KBTBD3: variants seen among roughly 807,000 people sequenced by gnomAD.
KBTBD3 encodes kelch repeat and BTB domain-containing protein 3.
A neutral mutation model predicts 49.6 loss-of-function variants in KBTBD3; 38 were observed. The observed-to-expected ratio is 0.77, with a 90% CI of 0.59 to 1.00. KBTBD3 has a LOEUF of 1.00. KBTBD3 is among the 50% of genes least tolerant of loss of function. KBTBD3 has a pLI of 0.00. For synonymous variants in KBTBD3, 214 were observed against 250.4 expected (o/e 0.85, Z 1.37); for missense variants, 661 against 712.0 (o/e 0.93, Z 0.81).
At chr11:106,055,380 G>C (rs763862210) in intron 3 of KBTBD3, among the ~76,000 whole-genome samples, 9 of 152,108 alleles carry the variant, frequency 5.9e-5, no homozygotes, top group Non-Finnish European at 1.3e-4. Flanking sequence ...GTTGCCCAAA[G>C]TATACTAGGG....
intron 2 of KBTBD3, among the ~76,000 whole-genome samples, chr11:106,062,761 G>A (rs1860727581): frequency 2.6e-5 from 4 of 152,210 alleles, no homozygotes; most frequent in African/African-American, 4.8e-5. Context: ...GCACCAGATG[G>A]CCCAGGCAAG....
Position 106,052,195 on chromosome 11 carries a change from G to A in KBTBD3, c.*655C>T, listed in dbSNP as rs1860432071. On this transcript the variant is annotated 3_prime_UTR_variant, in exon 4 of 4. Coordinates refer to ENST00000531837, the MANE Select transcript of KBTBD3 (RefSeq NM_198439.3). ...GGGGGGGAGGAGAGAGAGAGAGAGAGCTAGAAATTGAAACCAACTGACATT... is the reference window on the plus strand; with the variant it reads ...GGGGGGGAGGAGAGAGAGAGAGAGAACTAGAAATTGAAACCAACTGACATT... The A allele has an allele frequency of 6.6e-6, 1 of 151,476 alleles. No individual in the cohort carries two copies. Among genetic ancestry groups the A allele is most frequent in the Non-Finnish European group, 1.5e-5 (1 of 67,742 alleles). 9.4% of individuals were successfully genotyped at this position (151,476 alleles called of 1,614,324 possible). A position where few individuals can be genotyped will look rare whatever the true frequency, so the allele number is the denominator to read the frequency against.
rs1259230344 is a variant in KBTBD3 at position 106,058,414 on chromosome 11, C to G, written c.233+451G>C. On this transcript the variant is annotated intron_variant, in intron 3 of 3. Coordinates refer to ENST00000531837, the MANE Select transcript of KBTBD3 (RefSeq NM_198439.3). ...AAAAAATCATTAGTTAATCTTGGTTCTAATTAGGTTTTTTGTTTTTGTTTT... is the reference window on the plus strand; with the variant it reads ...AAAAAATCATTAGTTAATCTTGGTTGTAATTAGGTTTTTTGTTTTTGTTTT... 2.0e-5 allele frequency among the ~76,000 whole-genome samples: 3 copies of G among 150,086 alleles called. No homozygotes were observed. The East Asian group carries it at 6.1e-4, about 30-fold the overall frequency.
intron 2 of KBTBD3, among the ~76,000 whole-genome samples, chr11:106,064,673 CT>C (rs1860771399): frequency 6.6e-6 from 1 of 152,160 alleles, no homozygotes; most frequent in South Asian, 2.1e-4. Context: ...TGTGTTAAAG[CT>C]GTGCAAAGGA....
chr11:106,075,845 G>A lies in KBTBD3; in HGVS notation c.-13+662C>T, dbSNP rs558928530. Among the ~76,000 whole-genome samples, 3 of 152,254 alleles carry A rather than the reference G, an allele frequency of 2.0e-5. No individual in the cohort carries two copies. The East Asian group carries it at 5.8e-4, about 29-fold the overall frequency. Reference sequence around the variant, plus strand: ...GAGAATATTCTAGATTCTAGACCAAGTACAAATAATCCCTACGTTACTGTC... The same window carrying A: ...GAGAATATTCTAGATTCTAGACCAAATACAAATAATCCCTACGTTACTGTC... On this transcript the variant is annotated intron_variant, in intron 2 of 3. Transcript: ENST00000531837.
rs530853764 is a variant in KBTBD3 at position 106,070,428 on chromosome 11, C to T, written c.-13+6079G>A. On this transcript the variant is annotated intron_variant, in intron 2 of 3. Transcript: ENST00000531837. ...ACCAGACAATTCAATTTAAAAAATGCGCAAAAGGCACAAAGAGATATTTCA... is the reference window on the plus strand; with the variant it reads ...ACCAGACAATTCAATTTAAAAAATGTGCAAAAGGCACAAAGAGATATTTCA... 3.6e-4 allele frequency among the ~76,000 whole-genome samples: 55 copies of T among 151,750 alleles called. 2 individuals are homozygous for T. Among genetic ancestry groups the T allele is most frequent in the Middle Eastern group, 6.8e-3 (2 of 294 alleles).
intron 2 of KBTBD3, 68 bp from the exon 3 acceptor site, chr11:106,059,177 C>T: frequency 1.3e-6 from 1 of 768,758 alleles, no homozygotes; most frequent in Non-Finnish European, 2.0e-6. Context: ...AAAATTCGCC[C>T]TCTTGATGGC....
At position 106,054,142 on chromosome 11, in the gene KBTBD3, A is replaced by G. The variant is rs138578492; in HGVS notation, c.547T>C (p.Leu183=). 6.8e-6 allele frequency: 11 copies of G among 1,613,164 alleles called. No individual in the cohort carries two copies. The highest frequency in any genetic ancestry group is 9.3e-6 in the Non-Finnish European group (11 of 1,179,450). The change falls in exon 4 of 4, where the codon TTA becomes CTA. Residue 183 remains leucine, a synonymous_variant. Coordinates refer to ENST00000531837, the MANE Select transcript of KBTBD3 (RefSeq NM_198439.3). The stretch of plus-strand genomic sequence containing the variant: ...AAGAAATCACTGGATTTAAATAATA[A>G]AGAAAAGTGATGTTGTACAAAGTGT... ...ALHFVQHHFS[L]LFKSSDFLEM...
Position 106,053,750 on chromosome 11 carries a change from G to A in KBTBD3, c.939C>T (p.Cys313=). The change falls in exon 4 of 4, where the codon TGC becomes TGT. Residue 313 remains cysteine, a synonymous_variant. Transcript: ENST00000531837. Reference sequence around the variant, plus strand: ...TCCATGAATCAGATTTAATGTTATAGCAAAATGTATATTGATTTTCTCCAT... The same window carrying A: ...TCCATGAATCAGATTTAATGTTATAACAAAATGTATATTGATTTTCTCCAT... ...EENGENQYTF[C]YNIKSDSWKI... 6.2e-7 allele frequency: 1 copy of A among 1,613,686 alleles called. No individual in the cohort carries two copies. Among genetic ancestry groups the A allele is most frequent in the Non-Finnish European group, 8.5e-7 (1 of 1,179,898 alleles).
chr11:106,057,789 G>A (rs1400012377), intron 3 of KBTBD3: 3 of 345,748 alleles, frequency 8.7e-6, no homozygotes, highest in Admixed American at 4.7e-5. Context: ...GCTAAGGAGA[G>A]GATAAATTTT....
intron 3 of KBTBD3, among the ~76,000 whole-genome samples, chr11:106,057,024 TA>T (rs1860567110): frequency 6.6e-6 from 1 of 152,154 alleles, no homozygotes; most frequent in Non-Finnish European, 1.5e-5. Flanking sequence ...TGAAGACATA[TA>T]GTCAAATTAG....
At chr11:106,063,879 C>T (rs1292485931) in intron 2 of KBTBD3, among the ~76,000 whole-genome samples, 2 of 152,060 alleles carry the variant, frequency 1.3e-5, no homozygotes, top group East Asian at 1.9e-4. Flanking sequence ...TGCAGTAAGC[C>T]GAGATCCTAA....
Position 106,054,193 on chromosome 11 carries a change from A to T in KBTBD3, c.496T>A (p.Ser166Thr), listed in dbSNP as rs757362945. ...AATGCATGATCAAACAAACTGGTGG[A>T]GCCATAGCTATCTGATATAGATAAT... ...QLLSISDSYG[S>T]TSLFDHALHF... Residue 166 changes from serine (S) to threonine (T), a missense_variant, in exon 4 of 4, where the codon TCC (serine) becomes ACC (threonine). Transcript: ENST00000531837. 12 of 1,612,916 alleles carry T rather than the reference A, an allele frequency of 7.4e-6. No individual in the cohort carries two copies. The African/African-American group carries it at 1.5e-4, about 20-fold the overall frequency.
intron 2 of KBTBD3, among the ~76,000 whole-genome samples, chr11:106,061,606 C>T (rs1387362737): frequency 6.6e-6 from 1 of 152,030 alleles, no homozygotes; most frequent in African/African-American, 2.4e-5. Context: ...CTGAATAGAA[C>T]AAAAGGCTGA....
chr11:106,073,344 C>T (rs554286990), intron 2 of KBTBD3, among the ~76,000 whole-genome samples: 89 of 147,248 alleles, frequency 6.0e-4, no homozygotes, highest in Middle Eastern at 7.5e-3. Flanking sequence ...TTAAGTGATC[C>T]TCATGCCTCA....
intron 2 of KBTBD3, among the ~76,000 whole-genome samples, chr11:106,068,775 A>T (rs1219301163): frequency 6.6e-6 from 1 of 152,180 alleles, no homozygotes; most frequent in Non-Finnish European, 1.5e-5. Context: ...ATGGACCAAT[A>T]TACCTCACAA....
At chr11:106,076,124 A>T (rs1223869623) in intron 2 of KBTBD3, 1 of 152,178 alleles carries the variant, frequency 6.6e-6, no homozygotes, top group Non-Finnish European at 1.5e-5. Context: ...AAAAATGGAG[A>T]AGTGAGTTAT....
rs551722619 is a variant in KBTBD3 at position 106,051,911 on chromosome 11, G to A, written c.*939C>T. ...ATGGTACTAATTTAAATCCTGAAAT[G>A]TTTTATGTAGCTGAAATTTGGATAA... On this transcript the variant is annotated 3_prime_UTR_variant, in exon 4 of 4. Transcript: ENST00000531837. 2.4e-4 allele frequency: 37 copies of A among 151,928 alleles called. No individual in the cohort carries two copies. The highest frequency in any genetic ancestry group is 4.4e-4 in the Non-Finnish European group (30 of 67,816). The allele number at this position is 151,928 out of a possible 1,614,324, so 9.4% of individuals were successfully genotyped here. A position where few individuals can be genotyped will look rare whatever the true frequency, so the allele number is the denominator to read the frequency against.
intron 2 of KBTBD3, among the ~76,000 whole-genome samples, chr11:106,073,258 CTT>C (rs374062847): frequency 5.3e-4 from 60 of 113,076 alleles, no homozygotes; most frequent in African/African-American, 7.9e-4. Context: ...GCACACTCAG[CTT>C]TTTTTTTTTT....
Sources: allele counts gnomAD v4.1 joint callset (sites outside exome capture counted in the v4.1 genomes callset), GRCh38; gene constraint gnomAD v4.1.1; transcripts MANE v1.5; gene names NCBI Gene and HGNC (gene_info 2026-07-23, HGNC 2026-07-21).